The following GPHN variants were observed in gnomAD, a reference collection of about 807,000 sequenced individuals.
The protein encoded by GPHN is gephyrin.
Under a neutral mutation model 95.5 loss-of-function variants are expected in GPHN, and 17 were observed. The ratio of observed to expected loss-of-function variants is 0.18; its 90% confidence interval spans 0.12 to 0.27. The LOEUF is 0.27. Among genes scored for constraint, GPHN ranks in the 10% least tolerant of loss-of-function variants. The pLI, the probability that GPHN is intolerant of heterozygous loss-of-function variation, is 1.00. For missense variants in GPHN, 660 were observed against 978.1 expected, an observed-to-expected ratio of 0.67 and a Z score of 4.34; for synonymous variants, 320 against 322.5, an observed-to-expected ratio of 0.99 and a Z score of 0.08.
At chr14:66,528,031 C>T (rs2058759584) in intron 1 of GPHN, among the ~76,000 whole-genome samples, 1 of 152,120 alleles carries the variant, frequency 6.6e-6, no homozygotes, top group Non-Finnish European at 1.5e-5. Context: ...TGTTAATTTT[C>T]TGTCTCGTTG....
chr14:66,948,622 T>A (rs1416432741), intron 8 of GPHN, among the ~76,000 whole-genome samples: 6 of 152,168 alleles, frequency 3.9e-5, no homozygotes, highest in Non-Finnish European at 8.8e-5. Context: ...TGATAAAACT[T>A]TTTTTTAGGC....
the GPHN span, among the ~76,000 whole-genome samples, chr14:67,485,639 C>A: frequency 1.3e-5 from 2 of 152,204 alleles, no homozygotes; most frequent in Admixed American, 6.5e-5. Context: ...CACCAGGCTA[C>A]GGGCCCTGCA....
chr14:67,218,669 A>T, the GPHN span, among the ~76,000 whole-genome samples: 1 of 152,120 alleles, frequency 6.6e-6, no homozygotes, highest in Admixed American at 6.5e-5. Flanking sequence ...GGCCAGAAAC[A>T]TATCTGTAGG....
At chr14:67,591,499 T>G in the GPHN span, among the ~76,000 whole-genome samples, 1 of 152,238 alleles carries the variant, frequency 6.6e-6, no homozygotes, top group African/African-American at 2.4e-5. Context: ...CATAAATACC[T>G]ACCTCTAAAT....
At chr14:67,142,201 A>G (rs1210885254) in intron 17 of GPHN, among the ~76,000 whole-genome samples, 1 of 152,224 alleles carries the variant, frequency 6.6e-6, no homozygotes, top group Non-Finnish European at 1.5e-5. Flanking sequence ...CAACAAGAGT[A>G]TGGCTAGATA....
At chr14:67,257,872 C>T in the GPHN span, among the ~76,000 whole-genome samples, 5 of 152,036 alleles carry the variant, frequency 3.3e-5, no homozygotes, top group African/African-American at 9.7e-5. Flanking sequence ...CACAACTATA[C>T]GTACAACACA....
At chr14:67,728,295 C>T in the GPHN span, 1 of 152,168 alleles carries the variant, frequency 6.6e-6, no homozygotes, top group Non-Finnish European at 1.5e-5. Flanking sequence ...TTATGTGTGC[C>T]ATGTACTACA....
At chr14:67,233,869 A>C in the GPHN span, among the ~76,000 whole-genome samples, 1 of 152,262 alleles carries the variant, frequency 6.6e-6, no homozygotes, top group Admixed American at 6.5e-5. Context: ...TTAGAAATCT[A>C]AATGAAGATT....
chr14:66,594,418 A>G (rs1345297014), intron 1 of GPHN, among the ~76,000 whole-genome samples: 2 of 152,226 alleles, frequency 1.3e-5, no homozygotes, highest in Non-Finnish European at 2.9e-5. Context: ...TTGAAAATCT[A>G]CTACAAAGCT....
chr14:66,799,997 G>A (rs572376626), intron 3 of GPHN, among the ~76,000 whole-genome samples: 1 of 151,890 alleles, frequency 6.6e-6, no homozygotes, highest in African/African-American at 2.4e-5. Context: ...CATGAAGCTT[G>A]CAAATACTAT....
At chr14:67,267,846 C>T in the GPHN span, among the ~76,000 whole-genome samples, 1 of 152,274 alleles carries the variant, frequency 6.6e-6, no homozygotes, top group East Asian at 1.9e-4. Context: ...TGGAATCATA[C>T]TCGTGTCTGG....
chr14:66,845,819 C>CTG (rs367997271), intron 4 of GPHN, among the ~76,000 whole-genome samples: 19,160 of 143,198 alleles, frequency 0.13, 1,191 homozygotes, highest in Admixed American at 0.2. Context: ...ATACATGCCT[C>CTG]TGTGTGTGTG....
chr14:67,602,279 G>A, the GPHN span, among the ~76,000 whole-genome samples: 123 of 152,232 alleles, frequency 8.1e-4, no homozygotes, highest in Non-Finnish European at 1.3e-3. Context: ...GTCAGATCTC[G>A]TGAGAGAACT....
chr14:67,338,901 T>C, the GPHN span: 1 of 660,226 alleles, frequency 1.5e-6, no homozygotes, highest in East Asian at 3.1e-5. Context: ...TCATTTTCAG[T>C]AATTTATTTA....
At chr14:66,638,817 G>A (rs1566744124) in intron 1 of GPHN, among the ~76,000 whole-genome samples, 2 of 152,090 alleles carry the variant, frequency 1.3e-5, no homozygotes, top group African/African-American at 4.8e-5. Flanking sequence ...GGGCTCTAAT[G>A]TTAATGGCAA....
At chr14:67,438,090 C>A in the GPHN span, among the ~76,000 whole-genome samples, 1 of 152,114 alleles carries the variant, frequency 6.6e-6, no homozygotes, top group Non-Finnish European at 1.5e-5. Context: ...AGCTGTCACC[C>A]CCCTCCCAAT....
chr14:67,192,523 C>G, the GPHN span, among the ~76,000 whole-genome samples: 52 of 151,652 alleles, frequency 3.4e-4, no homozygotes, highest in Admixed American at 7.2e-4. Flanking sequence ...CTACTGTGCC[C>G]GCACACCGAG....
At chr14:67,609,947 C>T in the GPHN span, among the ~76,000 whole-genome samples, 1 of 152,084 alleles carries the variant, frequency 6.6e-6, no homozygotes, top group Non-Finnish European at 1.5e-5. Flanking sequence ...ACAGGCTTCC[C>T]TGATGAGCCC....
At chr14:66,853,422 G>C (rs898662146) in intron 4 of GPHN, among the ~76,000 whole-genome samples, 2 of 152,258 alleles carry the variant, frequency 1.3e-5, no homozygotes, top group Non-Finnish European at 2.9e-5. Flanking sequence ...CTGCTAAAGA[G>C]AGACATACCT....
Sources: gnomAD v4.1 joint callset for allele counts (sites outside exome capture counted in the v4.1 genomes callset) on GRCh38, gnomAD v4.1.1 for gene constraint, MANE v1.5 for transcripts, NCBI Gene and HGNC (gene_info 2026-07-23, HGNC 2026-07-21) for gene names.